The following YTHDF2 variants were observed in gnomAD, a reference collection of about 807,000 sequenced individuals.
YTHDF2 encodes the protein YTH domain-containing family protein 2.
A neutral mutation model predicts 50.4 loss-of-function variants in YTHDF2; 2 were observed. The ratio of observed to expected loss-of-function variants is 0.04; its 90% CI spans 0.02 to 0.12. The LOEUF (loss-of-function observed/expected upper bound fraction) is 0.12, where lower values mean the gene tolerates loss of function less well. Among genes scored for constraint, YTHDF2 ranks in the 10% least tolerant of loss-of-function variants. The pLI is 1.00. For synonymous variants in YTHDF2, 217 were observed against 255.6 expected (o/e 0.85, Z 1.44); for missense variants, 483 against 722.6 (o/e 0.67, Z 3.80).
At chr1:28,764,808 T>C (rs1329306667) in intron 4 of YTHDF2, among the ~76,000 whole-genome samples, 1 of 152,032 alleles carries the variant, frequency 6.6e-6, no homozygotes, top group African/African-American at 2.4e-5. Context: ...CCTCCTAGAG[T>C]GCTAGGATTA....
At chr1:28,748,174 G>A (rs2087894106) in intron 4 of YTHDF2, among the ~76,000 whole-genome samples, 1 of 151,496 alleles carries the variant, frequency 6.6e-6, no homozygotes, top group Non-Finnish European at 1.5e-5. Flanking sequence ...TCAGGAAGAT[G>A]CCTATGATTG....
chr1:28,738,123 A>G (rs2087723033), intron 2 of YTHDF2, 136 bp from the exon 3 acceptor site: 2 of 669,564 alleles, frequency 3.0e-6, no homozygotes, highest in Non-Finnish European at 5.2e-6. Context: ...ATTCACTGTC[A>G]TCTCTTACCC....
chr1:28,755,051 G>C (rs944668107), intron 4 of YTHDF2, among the ~76,000 whole-genome samples: 1 of 151,920 alleles, frequency 6.6e-6, no homozygotes, highest in South Asian at 2.1e-4. Flanking sequence ...AAAAGATGAT[G>C]AGGGCCTGAA....
intron 4 of YTHDF2, among the ~76,000 whole-genome samples, chr1:28,751,501 G>A (rs12082140): frequency 6.6e-6 from 1 of 152,088 alleles, no homozygotes; most frequent in African/African-American, 2.4e-5. Flanking sequence ...TTGTCTTGCA[G>A]ATAAATATAC....
At chr1:28,759,278 C>G (rs1249674273) in intron 4 of YTHDF2, among the ~76,000 whole-genome samples, 1 of 152,130 alleles carries the variant, frequency 6.6e-6, no homozygotes, top group Non-Finnish European at 1.5e-5. Flanking sequence ...ACCTGGAGCT[C>G]TGGAGGAAGA....
Position 28,742,400 on chromosome 1 carries a change from C to A in YTHDF2, c.133-3C>A. The A allele has an allele frequency of 6.5e-7, 1 of 1,528,928 alleles. No homozygotes were observed. The highest frequency in any genetic ancestry group is 1.3e-5 in the South Asian group (1 of 78,186). The allele number at this position is 1,528,928 out of a possible 1,614,324, so 94.7% of individuals were successfully genotyped here. A position where few individuals can be genotyped will look rare whatever the true frequency, so the allele number is the denominator to read the frequency against. On this transcript the variant is annotated splice_polypyrimidine_tract_variant and splice_region_variant and intron_variant, in intron 3 of 4. Transcript: ENST00000373812. ...TTGATTTGCCTTTTTTTTTCTTCCA[C>A]AGAATAATGCATATACTGCCATGTC...
intron 4 of YTHDF2, among the ~76,000 whole-genome samples, chr1:28,752,091 G>A (rs1354501105): frequency 6.6e-6 from 1 of 152,216 alleles, no homozygotes; most frequent in Non-Finnish European, 1.5e-5. Flanking sequence ...AGTCTCTCCA[G>A]CGATGTGTTG....
chr1:28,765,425 T>TA (rs568796827), intron 4 of YTHDF2, among the ~76,000 whole-genome samples: 3 of 94,712 alleles, frequency 3.2e-5, no homozygotes, highest in South Asian at 5.2e-4. Flanking sequence ...AATACATTTT[T>TA]AAAAAAAGTT....
intron 4 of YTHDF2, among the ~76,000 whole-genome samples, chr1:28,768,227 C>G (rs1192157567): frequency 6.6e-6 from 1 of 152,016 alleles, no homozygotes; most frequent in Non-Finnish European, 1.5e-5. Flanking sequence ...TTTTAAAATT[C>G]TGTGCATGAA....
chr1:28,765,442 G>A (rs1271347701), intron 4 of YTHDF2, among the ~76,000 whole-genome samples: 1 of 152,038 alleles, frequency 6.6e-6, no homozygotes, highest in Non-Finnish European at 1.5e-5. Context: ...AGTTTTGAGA[G>A]ACAGGGCCTC....
chr1:28,737,878 T>A, intron 2 of YTHDF2, 196 bp downstream of exon 2: 1 of 630,154 alleles, frequency 1.6e-6, no homozygotes, highest in Non-Finnish European at 2.7e-6. Context: ...AAGGAGTAAT[T>A]CATTAAGGGT....
intron 4 of YTHDF2, among the ~76,000 whole-genome samples, chr1:28,764,949 A>C (rs999330261): frequency 6.6e-6 from 1 of 152,014 alleles, no homozygotes; most frequent in Non-Finnish European, 1.5e-5. Context: ...ATCATAGTTC[A>C]TTACAGACTC....
chr1:28,745,481 C>A (rs956563146), intron 4 of YTHDF2, among the ~76,000 whole-genome samples: 2 of 152,152 alleles, frequency 1.3e-5, no homozygotes, highest in East Asian at 3.8e-4. Flanking sequence ...CGCCTATAAT[C>A]CCAGCACTTT....
At chr1:28,751,856 A>G (rs976409809) in intron 4 of YTHDF2, among the ~76,000 whole-genome samples, 2 of 152,226 alleles carry the variant, frequency 1.3e-5, no homozygotes, top group African/African-American at 4.8e-5. Flanking sequence ...TACTTGGGGG[A>G]AATTAAGAAT....
At chr1:28,751,582 G>A (rs755248340) in intron 4 of YTHDF2, among the ~76,000 whole-genome samples, 3 of 152,180 alleles carry the variant, frequency 2.0e-5, no homozygotes, top group Non-Finnish European at 2.9e-5. Flanking sequence ...TTTGTGAATA[G>A]ATAAAACGCC....
chr1:28,762,440 G>A (rs980910772), intron 4 of YTHDF2, among the ~76,000 whole-genome samples: 2 of 152,320 alleles, frequency 1.3e-5, no homozygotes, highest in East Asian at 1.9e-4. Context: ...TCCCGTCTAA[G>A]CATTTTATAT....
intron 4 of YTHDF2, among the ~76,000 whole-genome samples, chr1:28,758,928 T>TA (rs758297423): frequency 2.6e-5 from 4 of 152,208 alleles, no homozygotes; most frequent in Admixed American, 6.5e-5. Context: ...CTTGAAAGTT[T>TA]AAAAAATACA....
intron 4 of YTHDF2, 96 bp from the exon 5 acceptor site, chr1:28,768,833 A>G: frequency 1.1e-6 from 1 of 928,312 alleles, no homozygotes; most frequent in South Asian, 2.0e-5. Flanking sequence ...ATTCTAAATA[A>G]TTAAATTTCT....
intron 4 of YTHDF2, among the ~76,000 whole-genome samples, chr1:28,762,934 C>G (rs569489876): frequency 2.6e-5 from 4 of 151,886 alleles, no homozygotes; most frequent in Admixed American, 1.3e-4. Flanking sequence ...GTGATTGATT[C>G]TCCTGCCTCA....
Sources: allele counts gnomAD v4.1 joint callset (sites outside exome capture counted in the v4.1 genomes callset), GRCh38; gene constraint gnomAD v4.1.1; transcripts MANE v1.5; gene names NCBI Gene and HGNC (gene_info 2026-07-23, HGNC 2026-07-21).